MET: variants seen among roughly 807,000 people sequenced by gnomAD.
The protein encoded by MET is hepatocyte growth factor receptor.
Under a neutral mutation model 133.1 loss-of-function variants are expected in MET, and 48 were observed. That is an observed-to-expected ratio of 0.36 (90% CI 0.29 to 0.46). MET has a LOEUF of 0.46. Among genes scored for constraint, MET ranks in the 20% least tolerant of loss-of-function variants. The pLI is 1.00. For missense variants in MET, 1,442 were observed against 1,695.9 expected, an observed-to-expected ratio of 0.85 and a Z score of 2.63; for synonymous variants, 628 against 616.5, an observed-to-expected ratio of 1.02 and a Z score of -0.28.
chr7:116,739,501 T>C (rs140369608), intron 3 of MET, among the ~76,000 whole-genome samples: 71 of 152,296 alleles, frequency 4.7e-4, no homozygotes, highest in African/African-American at 1.6e-3. Context: ...CTAGCTCCAG[T>C]ATTCCAGACT....
At chr7:116,685,735 G>C (rs1467925436) in intron 1 of MET, among the ~76,000 whole-genome samples, 1 of 151,908 alleles carries the variant, frequency 6.6e-6, no homozygotes, top group African/African-American at 2.4e-5. Flanking sequence ...CTACATTCCT[G>C]GTCTCCTCAT....
At chr7:116,733,947 C>T (rs1793117964) in intron 3 of MET, among the ~76,000 whole-genome samples, 1 of 152,084 alleles carries the variant, frequency 6.6e-6, no homozygotes. Context: ...GAATTTCATT[C>T]CATTAAATTT....
intron 2 of MET, among the ~76,000 whole-genome samples, chr7:116,723,794 C>A (rs1437624012): frequency 2.6e-5 from 4 of 152,110 alleles, no homozygotes; most frequent in Admixed American, 6.5e-5. Flanking sequence ...TTAGGCTGCT[C>A]GGGGGTCAGG....
intron 1 of MET, among the ~76,000 whole-genome samples, chr7:116,693,886 AC>A (rs1796864338): frequency 6.6e-6 from 1 of 152,212 alleles, no homozygotes; most frequent in Non-Finnish European, 1.5e-5. Flanking sequence ...TTAGTGATTT[AC>A]ATGCATTAAC....
At chr7:116,748,668 C>G (rs542719315) in intron 5 of MET, among the ~76,000 whole-genome samples, 87 of 151,424 alleles carry the variant, frequency 5.7e-4, no homozygotes, top group Non-Finnish European at 1.0e-3. Flanking sequence ...ACCCCAGGAG[C>G]TGGTTTTTTG....
At chr7:116,750,356 T>A (rs151271433) in intron 5 of MET, among the ~76,000 whole-genome samples, 2 of 152,310 alleles carry the variant, frequency 1.3e-5, no homozygotes, top group Non-Finnish European at 2.9e-5. Context: ...TAATAAATGA[T>A]GTTGGGAAAA....
intron 5 of MET, among the ~76,000 whole-genome samples, chr7:116,750,251 A>G (rs1182792913): frequency 1.3e-5 from 2 of 152,204 alleles, no homozygotes; most frequent in African/African-American, 4.8e-5. Context: ...CCAATGGAAC[A>G]GAACAGAGGC....
chr7:116,766,297 G>A (rs941714005), intron 11 of MET, among the ~76,000 whole-genome samples: 16 of 152,178 alleles, frequency 1.1e-4, no homozygotes, highest in African/African-American at 3.1e-4. Flanking sequence ...TGCTTCAAAT[G>A]TTCAATCTGG....
At chr7:116,695,473 G>A (rs997315113) in intron 1 of MET, among the ~76,000 whole-genome samples, 3 of 152,176 alleles carry the variant, frequency 2.0e-5, no homozygotes, top group African/African-American at 4.8e-5. Flanking sequence ...AAATGGTCAC[G>A]TGAGAATATC....
chr7:116,733,772 A>G (rs184587931), intron 3 of MET, among the ~76,000 whole-genome samples: 1 of 152,298 alleles, frequency 6.6e-6, no homozygotes, highest in Admixed American at 6.5e-5. Context: ...GAACTACCTA[A>G]CTTTGCTTTA....
intron 11 of MET, among the ~76,000 whole-genome samples, chr7:116,768,983 T>C (rs2116979178): frequency 6.6e-6 from 1 of 152,340 alleles, no homozygotes; most frequent in South Asian, 2.1e-4. Flanking sequence ...AATGGAATTG[T>C]GCTCTCAAAT....
At chr7:116,764,962 G>A (rs575489173) in intron 11 of MET, among the ~76,000 whole-genome samples, 39 of 152,232 alleles carry the variant, frequency 2.6e-4, no homozygotes, top group African/African-American at 7.7e-4. Flanking sequence ...TGTTGTGTCA[G>A]CAATCTAACT....
At chr7:116,747,834 C>T (rs1793751156) in intron 5 of MET, among the ~76,000 whole-genome samples, 1 of 152,214 alleles carries the variant, frequency 6.6e-6, no homozygotes. Flanking sequence ...TTCTTCTCAG[C>T]ACCACATAGC....
chr7:116,738,247 G>T (rs1166017128), intron 3 of MET, among the ~76,000 whole-genome samples: 2 of 152,138 alleles, frequency 1.3e-5, no homozygotes, highest in Non-Finnish European at 2.9e-5. Flanking sequence ...AAATATGGGG[G>T]GTATTGGGCA....
intron 5 of MET, among the ~76,000 whole-genome samples, chr7:116,746,686 A>G (rs1656840813): frequency 6.6e-6 from 1 of 151,924 alleles, no homozygotes; most frequent in African/African-American, 2.4e-5. Flanking sequence ...AAGAACAAAA[A>G]ACCAAACACC....
intron 2 of MET, among the ~76,000 whole-genome samples, chr7:116,723,984 G>T (rs1165504004): frequency 6.6e-6 from 1 of 152,244 alleles, no homozygotes; most frequent in Non-Finnish European, 1.5e-5. Context: ...AGGCAGGCAG[G>T]CCTCCTTGAG....
chr7:116,716,970 T>TG (rs1466661428), intron 2 of MET, among the ~76,000 whole-genome samples: 2 of 152,180 alleles, frequency 1.3e-5, no homozygotes, highest in Non-Finnish European at 2.9e-5. Context: ...CCCCCAGCTT[T>TG]GCTCCCTTGC....
chr7:116,718,119 T>G (rs751555216), intron 2 of MET, among the ~76,000 whole-genome samples: 5 of 152,190 alleles, frequency 3.3e-5, no homozygotes, highest in Non-Finnish European at 7.4e-5. Flanking sequence ...CAGGGCACGG[T>G]GGCTCACACC....
chr7:116,771,699 A>G (rs1333742949), intron 13 of MET, 45 bp downstream of exon 13: 7 of 1,609,668 alleles, frequency 4.3e-6, no homozygotes, highest in Non-Finnish European at 6.0e-6. Flanking sequence ...CCTTAAGAAC[A>G]CAGTCATTAC....
Sources: allele counts gnomAD v4.1 joint callset (sites outside exome capture counted in the v4.1 genomes callset), GRCh38; gene constraint gnomAD v4.1.1; transcripts MANE v1.5; gene names NCBI Gene and HGNC (gene_info 2026-07-23, HGNC 2026-07-21).